The following PAG1 variants were observed in gnomAD, a reference collection of about 807,000 sequenced individuals.
The protein encoded by PAG1 is phosphoprotein membrane anchor with glycosphingolipid microdomains 1.
PAG1 carries 23 observed loss-of-function variants against 31.7 expected under a neutral mutation model. The observed-to-expected ratio is 0.73, with a 90% CI of 0.52 to 1.03. The LOEUF (loss-of-function observed/expected upper bound fraction) is 1.03. Ranked by LOEUF, PAG1 falls within the 50% of genes least tolerant of loss-of-function variation. The pLI, the probability that PAG1 is intolerant of heterozygous loss-of-function variation, is 0.00. For missense variants in PAG1, 473 were observed against 540.7 expected (o/e 0.87, Z 1.24); for synonymous variants, 214 against 210.3 (o/e 1.02, Z -0.15).
At chr8:81,100,666 TG>T (rs1809595182) in intron 1 of PAG1, among the ~76,000 whole-genome samples, 1 of 152,234 alleles carries the variant, frequency 6.6e-6, no homozygotes, top group African/African-American at 2.4e-5. Context: ...ATGCCTTTCA[TG>T]CTATGGCTTC....
intron 1 of PAG1, among the ~76,000 whole-genome samples, chr8:81,092,041 T>G (rs1809454755): frequency 6.6e-6 from 1 of 150,746 alleles, no homozygotes; most frequent in African/African-American, 2.4e-5. Flanking sequence ...AATATTAGTT[T>G]AGGCATCTGT....
At chr8:81,004,247 G>T (rs1287877791) in intron 3 of PAG1, among the ~76,000 whole-genome samples, 1 of 152,136 alleles carries the variant, frequency 6.6e-6, no homozygotes, top group Non-Finnish European at 1.5e-5. Context: ...TACACAAAAA[G>T]CAAGTTGGAA....
chr8:80,976,442 A>G lies in PAG1; in HGVS notation c.*102T>C. ...CCTCTCCAACCATCTTCAGGTGACT[A>G]AAGCAGCATATGAAGTATAGGTTTG... On this transcript the variant is annotated 3_prime_UTR_variant, in exon 9 of 9. Coordinates refer to ENST00000220597, the MANE Select transcript of PAG1 (RefSeq NM_018440.4). The G allele has an allele frequency of 8.3e-7, 1 of 1,200,658 alleles. No individual in the cohort carries two copies. The highest frequency in any genetic ancestry group is 1.5e-5 in the African/African-American group (1 of 65,620). The allele number at this position is 1,200,658 out of a possible 1,614,324, so 74.4% of individuals were successfully genotyped here.
At chr8:81,036,542 C>A (rs886985143) in intron 2 of PAG1, among the ~76,000 whole-genome samples, 5 of 152,116 alleles carry the variant, frequency 3.3e-5, no homozygotes, top group African/African-American at 1.2e-4. Flanking sequence ...AGTAATCATG[C>A]AAGAAAACTG....
chr8:80,982,387 T>A (rs1807326300), intron 7 of PAG1, among the ~76,000 whole-genome samples: 1 of 152,144 alleles, frequency 6.6e-6, no homozygotes, highest in Admixed American at 6.5e-5. Flanking sequence ...CTGGACACGT[T>A]CTTCACTGCC....
At chr8:81,093,623 C>T (rs1809482232) in intron 1 of PAG1, among the ~76,000 whole-genome samples, 1 of 151,824 alleles carries the variant, frequency 6.6e-6, no homozygotes, top group Non-Finnish European at 1.5e-5. Context: ...TGCCATACCC[C>T]CAGATGTGGC....
intron 3 of PAG1, among the ~76,000 whole-genome samples, chr8:81,014,496 A>C (rs1808039168): frequency 6.6e-6 from 1 of 152,242 alleles, no homozygotes; most frequent in Non-Finnish European, 1.5e-5. Context: ...TGAAAGCCAA[A>C]GCAACACCAT....
chr8:81,046,593 T>G (rs1011680496), intron 2 of PAG1, among the ~76,000 whole-genome samples: 1 of 152,232 alleles, frequency 6.6e-6, no homozygotes, highest in Admixed American at 6.5e-5. Flanking sequence ...AAACATAATT[T>G]AATGCACGGA....
intron 1 of PAG1, among the ~76,000 whole-genome samples, chr8:81,073,987 G>A (rs1264306844): frequency 6.6e-6 from 1 of 152,228 alleles, no homozygotes; most frequent in Admixed American, 6.5e-5. Context: ...GAGAGCTACA[G>A]CATGCCTGGT....
intron 2 of PAG1, among the ~76,000 whole-genome samples, chr8:81,063,138 T>G (rs559369992): frequency 8.5e-5 from 13 of 152,198 alleles, no homozygotes; most frequent in Non-Finnish European, 1.9e-4. Flanking sequence ...TATTTGGAAC[T>G]GAGTCATCTC....
At chr8:81,028,135 C>T (rs1808317002) in intron 3 of PAG1, among the ~76,000 whole-genome samples, 1 of 152,118 alleles carries the variant, frequency 6.6e-6, no homozygotes. Flanking sequence ...TCATATTGTG[C>T]AGTCTCTGTG....
At chr8:80,992,946 C>T (rs550000537) in intron 4 of PAG1, among the ~76,000 whole-genome samples, 157 bp downstream of exon 4, 8 of 152,326 alleles carry the variant, frequency 5.3e-5, no homozygotes, top group East Asian at 1.9e-4. Context: ...TGTCCCGAGA[C>T]GCTCTGCAGC....
intron 6 of PAG1, among the ~76,000 whole-genome samples, chr8:80,985,789 TG>T (rs938443553): frequency 5.3e-4 from 80 of 152,304 alleles, no homozygotes; most frequent in African/African-American, 1.9e-3. Context: ...CCTGCCTGTG[TG>T]GAGGGAATTA....
intron 3 of PAG1, among the ~76,000 whole-genome samples, chr8:81,004,881 C>T (rs1401281621): frequency 2.6e-5 from 4 of 152,204 alleles, no homozygotes; most frequent in Non-Finnish European, 5.9e-5. Context: ...CCCTCCCACG[C>T]ATGCACTTGA....
intron 2 of PAG1, among the ~76,000 whole-genome samples, chr8:81,068,725 G>A (rs1394648360): frequency 6.6e-6 from 1 of 152,170 alleles, no homozygotes; most frequent in Non-Finnish European, 1.5e-5. Context: ...TTGACCTCAA[G>A]CTTAGCTTCT....
intron 1 of PAG1, among the ~76,000 whole-genome samples, chr8:81,072,074 A>G (rs2130974315): frequency 6.6e-6 from 1 of 152,346 alleles, no homozygotes; most frequent in East Asian, 1.9e-4. Flanking sequence ...AGCTACACTC[A>G]CCAGCGTAGG....
intron 1 of PAG1, among the ~76,000 whole-genome samples, chr8:81,107,766 T>C (rs541179340): frequency 1.2e-4 from 19 of 152,358 alleles, no homozygotes; most frequent in African/African-American, 4.6e-4. Context: ...ACTTAACCCC[T>C]GCCCTTGAAC....
chr8:81,069,075 T>C (rs1011713589), intron 2 of PAG1, among the ~76,000 whole-genome samples: 2 of 152,244 alleles, frequency 1.3e-5, no homozygotes, highest in African/African-American at 4.8e-5. Context: ...GCACTGATTC[T>C]TTAGCCTAAG....
chr8:81,036,647 T>C (rs1168807752), intron 2 of PAG1, among the ~76,000 whole-genome samples: 1 of 152,162 alleles, frequency 6.6e-6, no homozygotes, highest in African/African-American at 2.4e-5. Flanking sequence ...AAAACATAAC[T>C]AACAACGCTT....
Sources: gnomAD v4.1 joint callset for allele counts (sites outside exome capture counted in the v4.1 genomes callset) on GRCh38, gnomAD v4.1.1 for gene constraint, MANE v1.5 for transcripts, NCBI Gene and HGNC (gene_info 2026-07-23, HGNC 2026-07-21) for gene names.